Variants in ERN2 observed in about 807,000 individuals in gnomAD.
ERN2 encodes endoplasmic reticulum to nucleus signaling 2, also known as serine/threonine-protein kinase/endoribonuclease IRE2.
Under a neutral mutation model 107.9 loss-of-function variants are expected in ERN2, and 111 were observed. That is an observed-to-expected ratio of 1.03 (90% CI 0.88 to 1.20). The LOEUF (loss-of-function observed/expected upper bound fraction) is 1.20, where lower values mean the gene tolerates loss of function less well. Among genes scored for constraint, ERN2 ranks in the 50% most tolerant of loss-of-function variants. ERN2 has a pLI of 0.00. For missense variants in ERN2, 1,225 were observed against 1,197.9 expected, an observed-to-expected ratio of 1.02 and a Z score of -0.33; for synonymous variants, 524 against 501.7, an observed-to-expected ratio of 1.04 and a Z score of -0.59.
rs1960135877 is a variant in ERN2, at chr16:23,702,664, T to C, written c.893A>G (p.Tyr298Cys). Reference sequence around the variant, plus strand: ...TGTGTGGACCAGTGCTTTAGAGACATAGAAGCCAGTTTCATCCTTCCCCAC... The same window carrying C: ...TGTGTGGACCAGTGCTTTAGAGACACAGAAGCCAGTTTCATCCTTCCCCAC... ...LYVGKDETGFYVSKALVHTGV... is the reference protein window; with the variant it reads ...LYVGKDETGFCVSKALVHTGV... The change falls in exon 9 of 22, where the codon TAT becomes TGT. Residue 298 changes from tyrosine to cysteine, a missense_variant. Tyr to Cys is a radical substitution (Grantham distance 194). Transcript: ENST00000256797. 6.2e-7 allele frequency: 1 copy of C among 1,614,188 alleles called. No individual in the cohort carries two copies. The highest frequency in any genetic ancestry group is 1.3e-5 in the African/African-American group (1 of 75,036).
chr16:23,707,552 GAAA>G (rs201293492), intron 4 of ERN2, among the ~76,000 whole-genome samples: 1 of 146,072 alleles, frequency 6.8e-6, no homozygotes. Context: ...CGTCTCTACA[GAAA>G]AAAAAAAAAA....
In ERN2 at chr16:23,695,273, C is replaced by T; in HGVS notation, c.1727G>A (p.Arg576His). Residue 576 changes from arginine (R) to histidine (H), a missense_variant, in exon 15 of 22, where the codon CGC becomes CAC. Transcript: ENST00000256797. ...QESDRHPNVL[R>H]YFCTERGPQF... Reference sequence around the variant, plus strand: ...GGGTCCCCGCTCGGTGCAGAAGTAGCGGAGCACGTTGGGGTGCCTGTCAGA... The same window carrying T: ...GGGTCCCCGCTCGGTGCAGAAGTAGTGGAGCACGTTGGGGTGCCTGTCAGA... 6.2e-7 allele frequency: 1 copy of T among 1,614,094 alleles called. No individual in the cohort carries two copies. The highest frequency in any genetic ancestry group is 8.5e-7 in the Non-Finnish European group (1 of 1,180,022).
At chr16:23,706,718 G>A (rs777588248) in intron 6 of ERN2, 36 bp downstream of exon 6, 6 of 1,427,884 alleles carry the variant, frequency 4.2e-6, no homozygotes, top group Admixed American at 3.7e-5. Context: ...AGGGGAGGCT[G>A]CCCAGAGCTT....
At chr16:23,700,736 C>T (rs770375390) in intron 12 of ERN2, 32 bp from the exon 13 acceptor site, 4 of 1,591,620 alleles carry the variant, frequency 2.5e-6, no homozygotes, top group Non-Finnish European at 3.4e-6. Context: ...GAGCTTTGTC[C>T]TGGCCACGCC....
intron 13 of ERN2, among the ~76,000 whole-genome samples, chr16:23,698,824 G>T (rs1214737174): frequency 6.6e-6 from 1 of 152,192 alleles, no homozygotes; most frequent in Admixed American, 6.5e-5. Context: ...CTGACCTCAA[G>T]TGATCCCCCT....
chr16:23,696,499 G>C (rs1267980108), intron 13 of ERN2, among the ~76,000 whole-genome samples: 1 of 152,204 alleles, frequency 6.6e-6, no homozygotes, highest in Non-Finnish European at 1.5e-5. Flanking sequence ...GAAGAGTGAT[G>C]AGAGTGAGTA....
intron 14 of ERN2, 22 bp from the exon 15 acceptor site, chr16:23,695,411 G>C (rs28116): frequency 1.3e-6 from 2 of 1,562,878 alleles, no homozygotes; most frequent in Non-Finnish European, 1.7e-6. Context: ...GTGATGGCGG[G>C]GGCAGGGGGG....
chr16:23,701,479 C>A (rs1306906978), intron 11 of ERN2, among the ~76,000 whole-genome samples: 1 of 152,160 alleles, frequency 6.6e-6, no homozygotes, highest in Non-Finnish European at 1.5e-5. Context: ...CATGGCTGTT[C>A]CTTCTAACCT....
chr16:23,703,157 G>T (rs935928958), intron 8 of ERN2, among the ~76,000 whole-genome samples: 3 of 152,118 alleles, frequency 2.0e-5, no homozygotes, highest in Non-Finnish European at 4.4e-5. Context: ...GGGGCAATTT[G>T]TTATGCAGCT....
chr16:23,704,594 A>G (rs1198723669), intron 8 of ERN2, among the ~76,000 whole-genome samples: 1 of 152,164 alleles, frequency 6.6e-6, no homozygotes, highest in Admixed American at 6.6e-5. Flanking sequence ...AGTCTTGGGT[A>G]TGTCTTTATC....
rs1338907958 is a variant in ERN2, at chr16:23,692,214, A to G, written c.2218T>C (p.Cys740Arg). Residue 740 changes from cysteine (C) to arginine (R), a missense_variant, in exon 18 of 22, where the codon TGT becomes CGT. Cys to Arg is a radical substitution (Grantham distance 180). Coordinates refer to ENST00000256797, the MANE Select transcript of ERN2 (RefSeq NM_033266.4). The stretch of plus-strand genomic sequence containing the variant: ...ACCTCTTCCTCCAGGTGAGCCAGAC[A>G]GGGAGCCCCTGTGAGGATGTTTGCC... ...RQANILTGAP[C>R]LAHLEEEVHD... The G allele has an allele frequency of 6.2e-7, 1 of 1,614,174 alleles. No homozygotes were observed. Among genetic ancestry groups the G allele is most frequent in the Non-Finnish European group, 8.5e-7 (1 of 1,180,012 alleles).
Position 23,692,089 on chromosome 16 carries a change from G to A in ERN2, c.2250C>T (p.Asp750=), listed in dbSNP as rs1452224307. The change falls in exon 19 of 22, where the codon GAC becomes GAT. Residue 750 remains aspartate, a splice_region_variant and synonymous_variant. Coordinates refer to ENST00000256797, the MANE Select transcript of ERN2 (RefSeq NM_033266.4). ...CAACCAGGTCCCGGGCAACCACCTT[G>A]TCTGGAGGATGGAAGAGGAGGAGGA... ...CLAHLEEEVH[D]KVVARDLVGA... 4 of 1,613,718 alleles carry A rather than the reference G, an allele frequency of 2.5e-6. 1 individual carries two copies. In the East Asian group the frequency reaches 8.9e-5, roughly 36 times the overall value.
At position 23,705,068 on chromosome 16, in the gene ERN2, C is replaced by G. The variant is rs779372807; in HGVS notation, c.669G>C (p.Gln223His). The change falls in exon 8 of 22, where the codon CAG becomes CAC. Residue 223 changes from glutamine to histidine, a missense_variant. Gln to His is a conservative substitution (Grantham distance 24, BLOSUM62 0). Transcript: ENST00000256797. Reference sequence around the variant, plus strand: ...CGCCCATCACAGGCACGCCCAGGTCCTGTGTCCACAGCACCGTCCCGCTTC... The same window carrying G: ...CGCCCATCACAGGCACGCCCAGGTCGTGTGTCCACAGCACCGTCCCGCTTC... ...DPGSGTVLWT[Q>H]DLGVPVMGVY... 8 of 1,613,876 alleles carry G rather than the reference C, an allele frequency of 5.0e-6. No homozygotes were observed.
At chr16:23,706,689 T>A in intron 6 of ERN2, 65 bp downstream of exon 6, 1 of 1,141,782 alleles carries the variant, frequency 8.8e-7, no homozygotes, top group Non-Finnish European at 1.3e-6. Context: ...TAGCCACAGC[T>A]AGATCTCAGC....
intron 12 of ERN2, 60 bp downstream of exon 12, chr16:23,700,899 C>A (rs1296022666): frequency 1.3e-6 from 2 of 1,567,006 alleles, no homozygotes; most frequent in South Asian, 1.2e-5. Context: ...GCTGAGTGGT[C>A]TCAGAGAGGA....
intron 4 of ERN2, 60 bp from the exon 5 acceptor site, chr16:23,707,139 C>CA: frequency 8.7e-7 from 1 of 1,146,720 alleles, no homozygotes; most frequent in Non-Finnish European, 1.3e-6. Flanking sequence ...GCTCACTGTG[C>CA]CAGGTGAGCC....
chr16:23,696,729 T>A (rs1359566458), intron 13 of ERN2: 1 of 152,206 alleles, frequency 6.6e-6, no homozygotes, highest in Admixed American at 6.5e-5. Flanking sequence ...CCCTGGCAAA[T>A]CTGGGCAGGC....
Position 23,704,906 on chromosome 16 carries a change from G to C in ERN2, c.831C>G (p.Phe277Leu), listed in dbSNP as rs1444232789. ...ASGPRDTATL[F>L]STLDTQLLMT... is the part of the protein sequence containing the mutation. ...ACAGCAGCTGGGTGTCCAAGGTAGA[G>C]AAGAGGGTGGCTGTGTCCCGGGGGC... Residue 277 changes from phenylalanine (F) to leucine (L), a missense_variant, in exon 8 of 22, where the codon TTC becomes TTG. Physicochemically the swap from Phe to Leu is conservative, Grantham distance 22. Coordinates refer to ENST00000256797, the MANE Select transcript of ERN2 (RefSeq NM_033266.4). The C allele has an allele frequency of 6.2e-7, 1 of 1,611,910 alleles. No individual in the cohort carries two copies. The highest frequency in any genetic ancestry group is 2.2e-5 in the East Asian group (1 of 44,872).
intron 13 of ERN2, among the ~76,000 whole-genome samples, chr16:23,700,285 T>C (rs1959991559): frequency 6.6e-6 from 1 of 152,178 alleles, no homozygotes; most frequent in African/African-American, 2.4e-5. Context: ...TGCAGTGAGC[T>C]ATGATTGTGC....
Sources: allele counts gnomAD v4.1 joint callset (sites outside exome capture counted in the v4.1 genomes callset), GRCh38; gene constraint gnomAD v4.1.1; transcripts MANE v1.5; gene names NCBI Gene and HGNC (gene_info 2026-07-23, HGNC 2026-07-21).